The following PPP1R1C variants were observed in gnomAD, a reference collection of about 807,000 sequenced individuals.
PPP1R1C encodes protein phosphatase 1 regulatory subunit 1C.
Under a neutral mutation model 17.4 loss-of-function variants are expected in PPP1R1C, and 15 were observed. That is an observed-to-expected ratio of 0.86 (90% CI 0.58 to 1.33). The LOEUF (loss-of-function observed/expected upper bound fraction) is 1.33. PPP1R1C is among the 40% of genes most tolerant of loss of function. PPP1R1C has a pLI of 0.00. For synonymous variants in PPP1R1C, 35 were observed against 43.1 expected (o/e 0.81, Z 0.73); for missense variants, 143 against 130.0 (o/e 1.10, Z -0.48).
chr2:182,058,998 C>T (rs1226048482), intron 2 of PPP1R1C, among the ~76,000 whole-genome samples: 1 of 152,136 alleles, frequency 6.6e-6, no homozygotes, highest in East Asian at 1.9e-4. Context: ...GACAAGGAGA[C>T]GCTGGGTGTT....
At chr2:181,969,226 T>G (rs2125133118) in intron 1 of PPP1R1C, among the ~76,000 whole-genome samples, 1 of 152,332 alleles carries the variant, frequency 6.6e-6, no homozygotes, top group East Asian at 1.9e-4. Context: ...CTTATTGCTA[T>G]TAATGTCTTT....
intron 2 of PPP1R1C, among the ~76,000 whole-genome samples, chr2:182,011,519 T>G (rs1268503010): frequency 1.3e-5 from 2 of 152,052 alleles, no homozygotes; most frequent in Admixed American, 6.5e-5. Context: ...TTCCTTCATC[T>G]GGCTAAAAGT....
At chr2:181,987,419 G>T (rs975015201) in intron 1 of PPP1R1C, among the ~76,000 whole-genome samples, 1 of 152,060 alleles carries the variant, frequency 6.6e-6, no homozygotes, top group African/African-American at 2.4e-5. Flanking sequence ...ATTTAACTCT[G>T]GTACCTGCTA....
intron 2 of PPP1R1C, among the ~76,000 whole-genome samples, chr2:182,005,624 A>T (rs1685897309): frequency 6.6e-6 from 1 of 152,240 alleles, no homozygotes; most frequent in Non-Finnish European, 1.5e-5. Context: ...TCTGTTATAT[A>T]CAACATAAAC....
chr2:181,965,538 C>A (rs1023359103), intron 1 of PPP1R1C, among the ~76,000 whole-genome samples: 1 of 152,212 alleles, frequency 6.6e-6, no homozygotes, highest in Admixed American at 6.5e-5. Context: ...TTCCTGGCAC[C>A]ATTTATTGAA....
chr2:182,124,327 G>GTTTTTTTTTTT (rs1294464668), intron 5 of PPP1R1C, among the ~76,000 whole-genome samples: 7 of 83,000 alleles, frequency 8.4e-5, no homozygotes, highest in Non-Finnish European at 1.3e-4. Context: ...TTTTTTTTTT[G>GTTTTTTTTTTT]TTTTTTTTTT....
At chr2:182,058,500 A>C (rs914066576) in intron 2 of PPP1R1C, among the ~76,000 whole-genome samples, 2 of 151,864 alleles carry the variant, frequency 1.3e-5, no homozygotes, top group African/African-American at 4.8e-5. Flanking sequence ...TCCATACTGC[A>C]CTCTTTGGAG....
chr2:182,076,181 CTTTTTTTTTTCTTTTCTTTT>C (rs1688293238), intron 4 of PPP1R1C, among the ~76,000 whole-genome samples: 2 of 47,524 alleles, frequency 4.2e-5, no homozygotes, highest in African/African-American at 1.7e-4. Context: ...GGATTTTGAA[CTTTTTTTTTTCTTTTCTTTT>C]TTTTTTTTTT....
intron 2 of PPP1R1C, among the ~76,000 whole-genome samples, chr2:182,032,768 A>G (rs1410544716): frequency 2.6e-5 from 4 of 152,168 alleles, no homozygotes; most frequent in African/African-American, 9.6e-5. Flanking sequence ...ACTACCTATT[A>G]TGAGGATTAG....
intron 5 of PPP1R1C, among the ~76,000 whole-genome samples, chr2:182,125,484 T>A (rs1689851966): frequency 6.6e-6 from 1 of 152,180 alleles, no homozygotes. Flanking sequence ...TACCAGCTCC[T>A]CTTTGTACCT....
At chr2:182,057,607 T>C (rs930546896) in intron 2 of PPP1R1C, among the ~76,000 whole-genome samples, 1 of 152,172 alleles carries the variant, frequency 6.6e-6, no homozygotes, top group South Asian at 2.1e-4. Context: ...ATGGACTTAT[T>C]TGAAAATTGT....
chr2:182,128,676 A>G (rs899335285), intron 5 of PPP1R1C, among the ~76,000 whole-genome samples: 1 of 152,150 alleles, frequency 6.6e-6, no homozygotes, highest in African/African-American at 2.4e-5. Flanking sequence ...ATGTAATAAA[A>G]TGAGCATTGT....
chr2:181,998,999 T>C (rs1409464537), intron 2 of PPP1R1C, among the ~76,000 whole-genome samples: 2 of 152,182 alleles, frequency 1.3e-5, no homozygotes, highest in Non-Finnish European at 2.9e-5. Flanking sequence ...AGCCCAGAGT[T>C]CCTGCTTCAC....
rs372797632 is a variant in PPP1R1C, at chr2:182,002,938, C to T, written c.142+15039C>T. The stretch of plus-strand genomic sequence containing the variant: ...GAGTGATGCCATAAACCTCCCCCCC[C>T]CCACAACCCTGAAATCCCCCAGAAC... On this transcript the variant is annotated intron_variant, in intron 2 of 4. Transcript: ENST00000682840. 2.8e-3 allele frequency among the ~76,000 whole-genome samples: 396 copies of T among 142,366 alleles called. 2 individuals are homozygous for T. Among genetic ancestry groups the T allele is most frequent in the African/African-American group, 9.2e-3 (362 of 39,460 alleles). The allele number at this position is 142,366 out of a possible 152,430, so 93.4% of individuals were successfully genotyped here. A position where few individuals can be genotyped will look rare whatever the true frequency, so the allele number is the denominator to read the frequency against.
intron 2 of PPP1R1C, among the ~76,000 whole-genome samples, chr2:181,992,189 T>TAAATATAA (rs1215051232): frequency 7.3e-6 from 1 of 137,502 alleles, no homozygotes; most frequent in Non-Finnish European, 1.6e-5. Flanking sequence ...TTAACCGGGC[T>TAAATATAA]TTTCAACTCC....
intron 4 of PPP1R1C, among the ~76,000 whole-genome samples, chr2:182,094,411 T>C (rs1424078463): frequency 6.6e-6 from 1 of 152,208 alleles, no homozygotes; most frequent in African/African-American, 2.4e-5. Context: ...TACTGAAAGT[T>C]AAACATTCAG....
chr2:182,129,395 A>T (rs1246749504), exon 6 of PPP1R1C: 1 of 151,966 alleles, frequency 6.6e-6, no homozygotes, highest in Non-Finnish European at 1.5e-5. Context: ...CACTGTGTTT[A>T]TTTATTGCCT....
At chr2:182,105,931 G>C (rs1018672596) in intron 4 of PPP1R1C, among the ~76,000 whole-genome samples, 4 of 152,136 alleles carry the variant, frequency 2.6e-5, no homozygotes, top group African/African-American at 9.7e-5. Context: ...TCACAGTTTT[G>C]GAGACCAGAA....
intron 4 of PPP1R1C, among the ~76,000 whole-genome samples, chr2:182,106,319 A>G (rs879895284): frequency 6.6e-6 from 1 of 152,210 alleles, no homozygotes; most frequent in Non-Finnish European, 1.5e-5. Context: ...TGTGCCTATA[A>G]GAACCCTGAG....
Sources: allele counts gnomAD v4.1 joint callset (sites outside exome capture counted in the v4.1 genomes callset), GRCh38; gene constraint gnomAD v4.1.1; transcripts MANE v1.5; gene names NCBI Gene and HGNC (gene_info 2026-07-23, HGNC 2026-07-21).